The following KIRREL3 variants were observed in gnomAD, a reference collection of about 807,000 sequenced individuals.
KIRREL3 encodes the protein kirre like nephrin family adhesion molecule 3.
Under a neutral mutation model 89.7 loss-of-function variants are expected in KIRREL3, and 36 were observed. The observed-to-expected ratio is 0.40, with a 90% confidence interval of 0.31 to 0.53. The LOEUF is 0.53. KIRREL3 is among the 20% of genes least tolerant of loss of function. The pLI, the probability that KIRREL3 is intolerant of heterozygous loss-of-function variation, is 0.49. For missense variants in KIRREL3, 864 were observed against 1,056.6 expected (o/e 0.82, Z 2.53); for synonymous variants, 445 against 441.4 (o/e 1.01, Z -0.10).
intron 1 of KIRREL3, among the ~76,000 whole-genome samples, chr11:126,688,170 GC>G (rs1946739264): frequency 6.6e-6 from 1 of 152,220 alleles, no homozygotes; most frequent in Non-Finnish European, 1.5e-5. Flanking sequence ...ACCAAGAGCA[GC>G]CTGTCCCACT....
At chr11:126,923,166 T>C (rs56107038) in intron 1 of KIRREL3, among the ~76,000 whole-genome samples, 2,858 of 27,666 alleles carry the variant, frequency 0.1, 781 homozygotes, top group Middle Eastern at 0.27. Context: ...TTCTTCTTCT[T>C]CTTCTTCTTC....
chr11:126,885,110 G>A (rs1390404426), intron 1 of KIRREL3, among the ~76,000 whole-genome samples: 1 of 152,164 alleles, frequency 6.6e-6, no homozygotes, highest in Non-Finnish European at 1.5e-5. Context: ...TTGCATATGG[G>A]AGAGGAATAT....
At chr11:126,920,309 G>A (rs1176483750) in intron 1 of KIRREL3, 1 of 152,356 alleles carries the variant, frequency 6.6e-6, no homozygotes, top group Admixed American at 6.5e-5. Flanking sequence ...TAGATCCCAA[G>A]AAATCTATCG....
chr11:126,952,921 G>A (rs1591375402), intron 1 of KIRREL3, among the ~76,000 whole-genome samples: 1 of 152,206 alleles, frequency 6.6e-6, no homozygotes, highest in Non-Finnish European at 1.5e-5. Flanking sequence ...GGAAGACAGT[G>A]TGGCAATTCC....
At chr11:126,681,040 G>C (rs1029678993) in intron 1 of KIRREL3, among the ~76,000 whole-genome samples, 2 of 152,168 alleles carry the variant, frequency 1.3e-5, no homozygotes, top group Non-Finnish European at 2.9e-5. Context: ...TGTGCATTTT[G>C]GTAACTAACC....
At position 126,969,917 on chromosome 11, in the gene KIRREL3, G is replaced by C. The variant is rs1258347398; in HGVS notation, c.55+30538C>G. 3.3e-5 allele frequency among the ~76,000 whole-genome samples: 5 copies of C among 152,190 alleles called. No individual in the cohort carries two copies. Among genetic ancestry groups the C allele is most frequent in the African/African-American group, 1.2e-4 (5 of 41,450 alleles). ...ATTCATAAAATAATTTTGTAGGGCTGGTAGTTAGTTCCAGCAAAACCATTG... is the reference window on the plus strand; with the variant it reads ...ATTCATAAAATAATTTTGTAGGGCTCGTAGTTAGTTCCAGCAAAACCATTG... On this transcript the variant is annotated intron_variant, in intron 1 of 16. Coordinates refer to ENST00000525144, the MANE Select transcript of KIRREL3 (RefSeq NM_032531.4). The surrounding 1 kb of genome is among the most constrained non-coding windows in gnomAD (Gnocchi z 4.9).
At chr11:126,932,537 C>T (rs1947994181) in intron 1 of KIRREL3, among the ~76,000 whole-genome samples, 1 of 152,138 alleles carries the variant, frequency 6.6e-6, no homozygotes, top group Non-Finnish European at 1.5e-5. Context: ...GTTTTCGGCC[C>T]ATACAGAAAG....
chr11:126,741,401 A>G (rs1298349110), intron 1 of KIRREL3, among the ~76,000 whole-genome samples: 1 of 152,194 alleles, frequency 6.6e-6, no homozygotes, highest in Non-Finnish European at 1.5e-5. Context: ...GGGCCAGCAC[A>G]ATGACTCTTG....
Position 126,430,921 on chromosome 11 carries a change from G to A in KIRREL3, c.1696+498C>T. 1 of 966,308 alleles carries A rather than the reference G, an allele frequency of 1.0e-6. No homozygotes were observed. Among genetic ancestry groups the A allele is most frequent in the Non-Finnish European group, 1.2e-6 (1 of 805,408 alleles). 59.9% of individuals were successfully genotyped at this position (966,308 alleles called of 1,614,324 possible). ...GTGCACAAACACTAGAATTTTATTG[G>A]TAATCACTGAAGACCTTTAAAAGTT... is the stretch of plus-strand genomic sequence containing the variant. On this transcript the variant is annotated intron_variant, in intron 14 of 16. Transcript: ENST00000525144. This position sits in a 1 kb window ranked among gnomAD's most constrained non-coding sequence, Gnocchi z 6.6.
chr11:126,726,080 A>G lies in KIRREL3; in HGVS notation c.56-163168T>C, dbSNP rs533016060. Among the ~76,000 whole-genome samples the G allele has an allele frequency of 8.4e-4, 128 of 152,268 alleles. 2 individuals carry two copies. The South Asian group carries it at 0.024, about 28-fold the overall frequency. ...CAGGGCCCTGGAGAACGCCCTTCTGAGTGCCCTCCCTCCATTCTAACCCCC... is the reference window on the plus strand; with the variant it reads ...CAGGGCCCTGGAGAACGCCCTTCTGGGTGCCCTCCCTCCATTCTAACCCCC... On this transcript the variant is annotated intron_variant, in intron 1 of 16. Coordinates refer to ENST00000525144, the MANE Select transcript of KIRREL3 (RefSeq NM_032531.4).
chr11:126,838,924 G>T (rs1565341076), intron 1 of KIRREL3, among the ~76,000 whole-genome samples: 1 of 152,130 alleles, frequency 6.6e-6, no homozygotes, highest in Non-Finnish European at 1.5e-5. Flanking sequence ...TTCAGATTGT[G>T]TCTCTCACAT....
At chr11:126,854,202 G>A in intron 1 of KIRREL3, among the ~76,000 whole-genome samples, 1 of 144,816 alleles carries the variant, frequency 6.9e-6, no homozygotes, top group East Asian at 2.1e-4. Flanking sequence ...TCTCTTAATA[G>A]TTGATACTTC....
At chr11:126,672,216 T>C (rs1017214286) in intron 1 of KIRREL3, among the ~76,000 whole-genome samples, 1 of 152,086 alleles carries the variant, frequency 6.6e-6, no homozygotes, top group Admixed American at 6.5e-5. Flanking sequence ...GCTGGAAACA[T>C]AAAAGTTCAG....
At position 126,523,354 on chromosome 11, in the gene KIRREL3, G is replaced by T. The variant is rs951295148; in HGVS notation, c.284-1890C>A. ...GGAGGTGGGGCAGGCCTCCCTGGGG[G>T]TGGGCTGTACAACGGGCCACCAGCA... On this transcript the variant is annotated intron_variant, in intron 3 of 16. Coordinates refer to ENST00000525144, the MANE Select transcript of KIRREL3 (RefSeq NM_032531.4). The surrounding 1 kb of genome is among the most constrained non-coding windows in gnomAD (Gnocchi z 4.9). 4.6e-5 allele frequency among the ~76,000 whole-genome samples: 7 copies of T among 152,156 alleles called. No individual in the cohort carries two copies. The highest frequency in any genetic ancestry group is 8.8e-5 in the Non-Finnish European group (6 of 68,020).
At position 126,879,524 on chromosome 11, in the gene KIRREL3, T is replaced by C. The variant is rs940551918; in HGVS notation, c.55+120931A>G. On this transcript the variant is annotated intron_variant, in intron 1 of 16. Coordinates refer to ENST00000525144, the MANE Select transcript of KIRREL3 (RefSeq NM_032531.4). This position sits in a 1 kb window ranked among gnomAD's most constrained non-coding sequence, Gnocchi z 5.4. ...CACCATGGTCCTTTCTCCCCTCTGA[T>C]CCTTTCACCACTCCTCTTTATTTTG... is the stretch of plus-strand genomic sequence containing the variant. Among the ~76,000 whole-genome samples, 1 of 152,182 alleles carries C rather than the reference T, an allele frequency of 6.6e-6. No individual in the cohort carries two copies. Among genetic ancestry groups the C allele is most frequent in the Non-Finnish European group, 1.5e-5 (1 of 68,022 alleles).
Position 126,445,152 on chromosome 11 carries a change from C to T in KIRREL3, c.1126-47G>A, listed in dbSNP as rs1591543532. Reference sequence around the variant, plus strand: ...GATGCCAAGAGCAGGCGGAGGGGTGCACTCTTGTCTCTGGGAACAAGGCAG... The same window carrying T: ...GATGCCAAGAGCAGGCGGAGGGGTGTACTCTTGTCTCTGGGAACAAGGCAG... On this transcript the variant is annotated intron_variant, in intron 9 of 16. Transcript: ENST00000525144. 13 of 1,603,808 alleles carry T rather than the reference C, an allele frequency of 8.1e-6. No homozygotes were observed. The East Asian group carries it at 2.5e-4, about 30-fold the overall frequency.
At chr11:126,838,319 G>A (rs2134512474) in intron 1 of KIRREL3, among the ~76,000 whole-genome samples, 1 of 152,272 alleles carries the variant, frequency 6.6e-6, no homozygotes. Context: ...TGGATAGCGA[G>A]CCAAAGGAAA....
intron 1 of KIRREL3, among the ~76,000 whole-genome samples, chr11:126,848,990 A>C (rs4937200): frequency 0.85 from 128,783 of 151,830 alleles, 54,822 homozygotes; most frequent in East Asian, 1. Context: ...GGTGTTTAAA[A>C]CAGAGCCACT....
In KIRREL3 at chr11:126,520,421, A is replaced by C. The variant is rs1591669992; in HGVS notation, c.433+894T>G. Among the ~76,000 whole-genome samples, 1 of 152,250 alleles carries C rather than the reference A, an allele frequency of 6.6e-6. No individual in the cohort carries two copies. The highest frequency in any genetic ancestry group is 2.4e-5 in the African/African-American group (1 of 41,580). ...TTGCATCTGTGGGCCTTAGTATCTC[A>C]TCTGGGGTAACAGTCCCTGTCCCAC... On this transcript the variant is annotated intron_variant, in intron 4 of 16. Transcript: ENST00000525144. The surrounding 1 kb of genome is among the most constrained non-coding windows in gnomAD (Gnocchi z 4.9).
Sources: allele counts gnomAD v4.1 joint callset (sites outside exome capture counted in the v4.1 genomes callset), GRCh38; gene constraint gnomAD v4.1.1; non-coding constraint Gnocchi (gnomAD v3.1); transcripts MANE v1.5; gene names NCBI Gene and HGNC (gene_info 2026-07-23, HGNC 2026-07-21).